ZNF169: variants seen among roughly 807,000 people sequenced by gnomAD.
ZNF169 encodes zinc finger protein 169.
A neutral mutation model predicts 12.0 loss-of-function variants in ZNF169; 11 were observed. The observed-to-expected ratio is 0.92, with a 90% CI of 0.58 to 1.52. The LOEUF (loss-of-function observed/expected upper bound fraction) is 1.52. Among genes scored for constraint, ZNF169 ranks in the 40% most tolerant of loss-of-function variants. The pLI is 0.00. For missense variants in ZNF169, 722 were observed against 744.0 expected, an observed-to-expected ratio of 0.97 and a Z score of 0.34; for synonymous variants, 302 against 286.5, an observed-to-expected ratio of 1.05 and a Z score of -0.55.
At chr9:94,259,973 C>T (rs1251871137) in intron 1 of ZNF169, among the ~76,000 whole-genome samples, 2 of 152,184 alleles carry the variant, frequency 1.3e-5, no homozygotes, top group African/African-American at 4.8e-5. Context: ...AATCTCGGTT[C>T]ACTGCAATCT....
chr9:94,260,878 T>C (rs1830192612), intron 1 of ZNF169, among the ~76,000 whole-genome samples: 1 of 129,086 alleles, frequency 7.7e-6, no homozygotes, highest in Non-Finnish European at 1.6e-5. Context: ...TGGAGTGCAG[T>C]GGAGTGATCT....
rs1831044589 is a variant in ZNF169, at chr9:94,300,516, T to C, written c.958T>C (p.Cys320Arg). Residue 320 changes from cysteine (C) to arginine (R), a missense_variant, in exon 5 of 5, where the codon TGT becomes CGT. Transcript: ENST00000395395. ...TCACTCCGGGGAGAGGCCCTTTGTA[T>C]GTCAGGAGTGTGGGCGAGGCTTTCG... is the stretch of plus-strand genomic sequence containing the variant. Reference protein sequence around the residue: ...RIHSGERPFVCQECGRGFRQK... With the variant: ...RIHSGERPFVRQECGRGFRQK... 2 of 1,614,102 alleles carry C rather than the reference T, an allele frequency of 1.2e-6. No homozygotes were observed. Among genetic ancestry groups the C allele is most frequent in the East Asian group, 2.2e-5 (1 of 44,888 alleles).
At chr9:94,278,143 T>G (rs1830558187) in intron 1 of ZNF169, among the ~76,000 whole-genome samples, 1 of 152,186 alleles carries the variant, frequency 6.6e-6, no homozygotes, top group African/African-American at 2.4e-5. Flanking sequence ...TACCCCTACT[T>G]CTCGCTTCTT....
chr9:94,279,656 A>G (rs1830591147), intron 2 of ZNF169, among the ~76,000 whole-genome samples: 1 of 151,980 alleles, frequency 6.6e-6, no homozygotes, highest in South Asian at 2.1e-4. Flanking sequence ...AAAAAAGGAA[A>G]GAAAATGGGG....
chr9:94,298,812 A>G (rs909869089), intron 4 of ZNF169, among the ~76,000 whole-genome samples: 9 of 152,018 alleles, frequency 5.9e-5, no homozygotes, highest in African/African-American at 2.2e-4. Flanking sequence ...AGCACTGCCA[A>G]TTTCCAGAGC....
intron 1 of ZNF169, among the ~76,000 whole-genome samples, chr9:94,263,499 A>G (rs933551414): frequency 6.9e-6 from 1 of 145,104 alleles, no homozygotes; most frequent in African/African-American, 2.6e-5. Context: ...TATATTGTAG[A>G]CAACATATGG....
At chr9:94,281,706 T>C (rs1830636018) in intron 2 of ZNF169, among the ~76,000 whole-genome samples, 1 of 152,106 alleles carries the variant, frequency 6.6e-6, no homozygotes. Flanking sequence ...ACTTAAGAAA[T>C]ACATTGGTTT....
intron 1 of ZNF169, among the ~76,000 whole-genome samples, chr9:94,268,106 G>A (rs11535539): frequency 0.12 from 17,990 of 151,812 alleles, 1,665 homozygotes; most frequent in East Asian, 0.37. Context: ...CCGACCTCAG[G>A]TGATCCGCCC....
chr9:94,265,440 C>T (rs1830275578), intron 1 of ZNF169, among the ~76,000 whole-genome samples: 1 of 151,856 alleles, frequency 6.6e-6, no homozygotes, highest in East Asian at 1.9e-4. Flanking sequence ...ATTAACCAGG[C>T]TTTGTGGCAG....
chr9:94,277,559 A>G (rs1587676425), intron 1 of ZNF169, among the ~76,000 whole-genome samples: 1 of 152,302 alleles, frequency 6.6e-6, no homozygotes, highest in African/African-American at 2.4e-5. Context: ...ACAGGGTTAA[A>G]TAAAACACAT....
intron 1 of ZNF169, among the ~76,000 whole-genome samples, chr9:94,263,245 C>G (rs970713157): frequency 6.6e-6 from 1 of 152,064 alleles, no homozygotes; most frequent in Non-Finnish European, 1.5e-5. Context: ...TTTTGCTTCA[C>G]GTATTTTGAA....
chr9:94,275,172 G>T (rs1157331160), intron 1 of ZNF169, among the ~76,000 whole-genome samples: 1 of 152,166 alleles, frequency 6.6e-6, no homozygotes, highest in Non-Finnish European at 1.5e-5. Context: ...AGGAAGTTGG[G>T]GCTGCAGTGA....
chr9:94,284,794 T>C (rs1406588701), intron 2 of ZNF169, among the ~76,000 whole-genome samples: 1 of 152,182 alleles, frequency 6.6e-6, no homozygotes, highest in Non-Finnish European at 1.5e-5. Flanking sequence ...AGATTTAATA[T>C]TGTTAAGATG....
chr9:94,266,987 C>T (rs1192016610), intron 1 of ZNF169, among the ~76,000 whole-genome samples: 1 of 151,284 alleles, frequency 6.6e-6, no homozygotes, highest in Non-Finnish European at 1.5e-5. Flanking sequence ...TGGCTCACTG[C>T]AACCTCCGCC....
At chr9:94,261,190 C>T (rs948922043) in intron 1 of ZNF169, among the ~76,000 whole-genome samples, 1 of 152,068 alleles carries the variant, frequency 6.6e-6, no homozygotes, top group African/African-American at 2.4e-5. Context: ...TACAGGCACG[C>T]GCTACCACAC....
chr9:94,269,932 C>G (rs1830361483), intron 1 of ZNF169, among the ~76,000 whole-genome samples: 1 of 152,172 alleles, frequency 6.6e-6, no homozygotes, highest in Non-Finnish European at 1.5e-5. Flanking sequence ...TACCTTGTCT[C>G]CTGCTAAATC....
rs150624261 is a variant in ZNF169, at chr9:94,279,163, G to A, written c.33+318G>A. The stretch of plus-strand genomic sequence containing the variant: ...TCCCAGTACTTTGGGAGGCCGAGGC[G>A]GGAGGATCACCTGAGGTCAGGAGTT... On this transcript the variant is annotated intron_variant, in intron 2 of 4. Transcript: ENST00000395395. Among the ~76,000 whole-genome samples the A allele has an allele frequency of 1.5e-3, 221 of 152,110 alleles. 1 individual carries two copies. The highest frequency in any genetic ancestry group is 4.9e-3 in the African/African-American group (204 of 41,502).
chr9:94,260,492 G>A (rs1329678157), intron 1 of ZNF169, among the ~76,000 whole-genome samples: 1 of 146,434 alleles, frequency 6.8e-6, no homozygotes, highest in Non-Finnish European at 1.5e-5. Flanking sequence ...GTGGGGGGGG[G>A]GACGGCTAGG....
chr9:94,260,020 T>C (rs1830171874), intron 1 of ZNF169, among the ~76,000 whole-genome samples: 1 of 151,064 alleles, frequency 6.6e-6, no homozygotes, highest in Non-Finnish European at 1.5e-5. Flanking sequence ...CAAGCCATGC[T>C]CCCGCGTCAG....
Sources: allele counts gnomAD v4.1 joint callset (sites outside exome capture counted in the v4.1 genomes callset), GRCh38; gene constraint gnomAD v4.1.1; transcripts MANE v1.5; gene names NCBI Gene and HGNC (gene_info 2026-07-23, HGNC 2026-07-21).